The following PLEKHH1 variants were observed in gnomAD, a reference collection of about 807,000 sequenced individuals.
PLEKHH1 encodes the protein pleckstrin homology, MyTH4 and FERM domain containing H1, also known as pleckstrin homology domain-containing family H member 1.
A neutral mutation model predicts 160.0 loss-of-function variants in PLEKHH1; 104 were observed. That is an observed-to-expected ratio of 0.65 (90% CI 0.55 to 0.76). PLEKHH1 has a LOEUF of 0.76. Among genes scored for constraint, PLEKHH1 ranks in the 30% least tolerant of loss-of-function variants. PLEKHH1 has a pLI of 0.00. For synonymous variants in PLEKHH1, 619 were observed against 678.4 expected (o/e 0.91, Z 1.36); for missense variants, 1,427 against 1,724.1 (o/e 0.83, Z 3.05).
intron 2 of PLEKHH1, among the ~76,000 whole-genome samples, chr14:67,546,951 A>C (rs529402749): frequency 6.6e-6 from 1 of 152,130 alleles, no homozygotes; most frequent in South Asian, 2.1e-4. Context: ...TGTCTACCCT[A>C]TTCCTCAGGG....
rs752284521 is a variant in PLEKHH1, at chr14:67,574,195, C to T, written c.1927-47C>T. On this transcript the variant is annotated intron_variant, in intron 13 of 28. Coordinates refer to ENST00000329153, the MANE Select transcript of PLEKHH1 (RefSeq NM_020715.3). This position sits in a 1 kb window ranked among gnomAD's most constrained non-coding sequence, Gnocchi z 4.2. ...ACCTCGGAGCCAGGTCCTGGTTACTCCATTCTCCCAGCGTGCTGCCCCACC... is the reference window on the plus strand; with the variant it reads ...ACCTCGGAGCCAGGTCCTGGTTACTTCATTCTCCCAGCGTGCTGCCCCACC... 4 of 1,513,998 alleles carry T rather than the reference C, an allele frequency of 2.6e-6. No individual in the cohort carries two copies. Among genetic ancestry groups the T allele is most frequent in the Non-Finnish European group, 3.5e-6 (4 of 1,126,954 alleles). The allele number at this position is 1,513,998 out of a possible 1,614,324, so 93.8% of individuals were successfully genotyped here. A position where few individuals can be genotyped will look rare whatever the true frequency, so the allele number is the denominator to read the frequency against.
chr14:67,554,488 G>A (rs1286822387), intron 2 of PLEKHH1, among the ~76,000 whole-genome samples: 1 of 152,144 alleles, frequency 6.6e-6, no homozygotes, highest in East Asian at 1.9e-4. Context: ...CATGTATGAT[G>A]CATATGTGTT....
chr14:67,564,336 T>C (rs539200533), intron 7 of PLEKHH1, among the ~76,000 whole-genome samples: 1 of 152,296 alleles, frequency 6.6e-6, no homozygotes, highest in South Asian at 2.1e-4. Context: ...TGTCTTGATA[T>C]CTGTCTGGTA....
chr14:67,578,704 A>G lies in PLEKHH1; in HGVS notation c.2849+73A>G. On this transcript the variant is annotated intron_variant, in intron 20 of 28. Transcript: ENST00000329153. This position sits in a 1 kb window ranked among gnomAD's most constrained non-coding sequence, Gnocchi z 5.0. The stretch of plus-strand genomic sequence containing the variant: ...CCGCATGAATAAGAGGGATGAGAGG[A>G]GTCTAGGGCAGACCAGATCACTCCT... 1.1e-6 allele frequency: 1 copy of G among 951,274 alleles called. No individual in the cohort carries two copies. The highest frequency in any genetic ancestry group is 1.7e-6 in the Non-Finnish European group (1 of 599,882). The allele number at this position is 951,274 out of a possible 1,614,324, so 58.9% of individuals were successfully genotyped here.
Position 67,587,209 on chromosome 14 carries a change from G to A in PLEKHH1, c.4069G>A (p.Ala1357Thr). 6.2e-7 allele frequency: 1 copy of A among 1,613,864 alleles called. No homozygotes were observed. The highest frequency in any genetic ancestry group is 8.5e-7 in the Non-Finnish European group (1 of 1,179,842). The change falls in exon 29 of 29, where the codon GCT (alanine) becomes ACT (threonine). Residue 1357 changes from alanine (A) to threonine (T), a missense_variant. Around this residue, in one of 6 missense-constraint regions of PLEKHH1, gnomAD observed 96 missense variants for 97.6 expected, o/e 0.98. Coordinates refer to ENST00000329153, the MANE Select transcript of PLEKHH1 (RefSeq NM_020715.3). ...GRQFFSSVSCATKGPTLL is the reference protein window; with the variant it reads ...GRQFFSSVSCTTKGPTLL ...ACAGTTCTTTTCTTCTGTTTCCTGTGCTACCAAGGGGCCAACGTTGCTGTG... is the reference window on the plus strand; with the variant it reads ...ACAGTTCTTTTCTTCTGTTTCCTGTACTACCAAGGGGCCAACGTTGCTGTG...
rs1228237539 is a variant in PLEKHH1 at position 67,582,740 on chromosome 14, G to A, written c.3426+530G>A. Among the ~76,000 whole-genome samples the A allele has an allele frequency of 6.6e-6, 1 of 152,188 alleles. No homozygotes were observed. The highest frequency in any genetic ancestry group is 1.5e-5 in the Non-Finnish European group (1 of 68,036). On this transcript the variant is annotated intron_variant, in intron 24 of 28. Coordinates refer to ENST00000329153, the MANE Select transcript of PLEKHH1 (RefSeq NM_020715.3). This position sits in a 1 kb window ranked among gnomAD's most constrained non-coding sequence, Gnocchi z 5.0. ...TAATCCCAGCTACTCGGCAGGCTGA[G>A]GCAGGAGAATCACTTGTACCTGGGA... is the stretch of plus-strand genomic sequence containing the variant.
rs2036291086 is a variant in PLEKHH1 at position 67,589,268 on chromosome 14, T to C, written c.*2033T>C. ...CCCCAACCCTTCAGGAACCCTTTAG[T>C]TTATTAATCTTATACAGAAGAAACT... On this transcript the variant is annotated 3_prime_UTR_variant, in exon 29 of 29. Transcript: ENST00000329153. 1 of 861,724 alleles carries C rather than the reference T, an allele frequency of 1.2e-6. No homozygotes were observed. Among genetic ancestry groups the C allele is most frequent in the Middle Eastern group, 6.1e-4 (1 of 1,650 alleles). 53.4% of individuals were successfully genotyped at this position (861,724 alleles called of 1,614,324 possible). A position where few individuals can be genotyped will look rare whatever the true frequency, so the allele number is the denominator to read the frequency against.
At chr14:67,580,234 T>C (rs1566761682) in intron 22 of PLEKHH1, 2 of 200,970 alleles carry the variant, frequency 1.0e-5, no homozygotes. Flanking sequence ...TTGGACCCCC[T>C]GGATGTCAGG....
chr14:67,577,757 C>G (rs1413563337), intron 18 of PLEKHH1, among the ~76,000 whole-genome samples: 2 of 151,880 alleles, frequency 1.3e-5, no homozygotes, highest in Non-Finnish European at 2.9e-5. Context: ...TTTGAGTTTT[C>G]TGTTTTTGTT....
At chr14:67,536,926 G>A (rs2319842) in intron 1 of PLEKHH1, among the ~76,000 whole-genome samples, 42,654 of 151,160 alleles carry the variant, frequency 0.28, 6,329 homozygotes, top group Non-Finnish European at 0.3. Context: ...TGTAATCCCC[G>A]CTACTCAGGA....
At chr14:67,571,500 G>A in intron 9 of PLEKHH1, 1 of 418,970 alleles carries the variant, frequency 2.4e-6, no homozygotes. Context: ...CAGTGGGCAG[G>A]CATTCAGTCG....
chr14:67,577,359 C>T lies in PLEKHH1; in HGVS notation c.2519C>T (p.Ser840Phe), dbSNP rs1159431632. The change falls in exon 18 of 29, where the codon TCC becomes TTC. Residue 840 changes from serine to phenylalanine, a missense_variant. By Grantham distance (155) the Ser-to-Phe change is radical (BLOSUM62 -2). Coordinates refer to ENST00000329153, the MANE Select transcript of PLEKHH1 (RefSeq NM_020715.3). ...TACAGCAAAGACGGCCTATACGCCT[C>T]CCTCACCACCCTGCCCTCTGAGGCC... ...LCYSKDGLYA[S>F]LTTLPSEALQ... 4 of 1,590,556 alleles carry T rather than the reference C, an allele frequency of 2.5e-6. No individual in the cohort carries two copies. Among genetic ancestry groups the T allele is most frequent in the African/African-American group, 1.3e-5 (1 of 74,384 alleles).
intron 15 of PLEKHH1, 79 bp from the exon 16 acceptor site, chr14:67,575,744 C>T (rs1192986243): frequency 3.8e-6 from 4 of 1,063,612 alleles, no homozygotes; most frequent in African/African-American, 1.6e-5. Flanking sequence ...CCCAGCTTCA[C>T]GGAGCCTATG....
chr14:67,557,515 T>C, intron 4 of PLEKHH1, 97 bp downstream of exon 4: 1 of 1,153,818 alleles, frequency 8.7e-7, no homozygotes, highest in Non-Finnish European at 1.2e-6. Context: ...CCTCTAGTGC[T>C]GGGGAACTCG....
chr14:67,577,715 T>G (rs992218357), intron 18 of PLEKHH1, among the ~76,000 whole-genome samples: 1 of 152,232 alleles, frequency 6.6e-6, no homozygotes, highest in South Asian at 2.1e-4. Context: ...ACTGAGAGAT[T>G]CGGACCTATT....
In PLEKHH1 at chr14:67,576,440, G is replaced by A; in HGVS notation, c.2398G>A (p.Ala800Thr). ...CACAGTGGCTGCAGGTGGCAGCAGT[G>A]CCAAGGTGGGCACTGCCTATGAGCA... ...HLTVAAGGSS[A>T]KVGTAYEQLI... The change falls in exon 17 of 29, where the codon GCC (alanine) becomes ACC (threonine). Residue 800 changes from alanine (A) to threonine (T), a missense_variant. Transcript: ENST00000329153. The surrounding 1 kb of genome is among the most constrained non-coding windows in gnomAD (Gnocchi z 4.0). 1.9e-6 allele frequency: 3 copies of A among 1,611,278 alleles called. No individual in the cohort carries two copies. The highest frequency in any genetic ancestry group is 1.7e-6 in the Non-Finnish European group (2 of 1,177,492).
chr14:67,555,778 A>G (rs367736150), intron 2 of PLEKHH1, 47 bp from the exon 3 acceptor site: 520 of 1,606,764 alleles, frequency 3.2e-4, no homozygotes, highest in Non-Finnish European at 4.0e-4. Flanking sequence ...CCGTGTTCAC[A>G]GTAGGGACAT....
intron 8 of PLEKHH1, chr14:67,569,677 A>G: frequency 1.8e-6 from 1 of 553,748 alleles, no homozygotes; most frequent in South Asian, 2.1e-5. Flanking sequence ...TGCAAGCCTC[A>G]TGGAGGAAAA....
At chr14:67,564,049 C>T (rs976751740) in intron 7 of PLEKHH1, among the ~76,000 whole-genome samples, 1 of 151,864 alleles carries the variant, frequency 6.6e-6, no homozygotes, top group African/African-American at 2.4e-5. Flanking sequence ...CCACAGGCAC[C>T]TGCCACCACG....
Sources: allele counts gnomAD v4.1 joint callset (sites outside exome capture counted in the v4.1 genomes callset), GRCh38; gene constraint gnomAD v4.1.1; regional missense constraint gnomAD v4.1.1; non-coding constraint Gnocchi (gnomAD v3.1); transcripts MANE v1.5; gene names NCBI Gene and HGNC (gene_info 2026-07-23, HGNC 2026-07-21).